Variants in GRM7 observed in about 807,000 individuals in gnomAD.
GRM7 encodes metabotropic glutamate receptor 7.
A neutral mutation model predicts 84.5 loss-of-function variants in GRM7; 35 were observed. That is an observed-to-expected ratio of 0.41 (90% confidence interval 0.32 to 0.55). The LOEUF (loss-of-function observed/expected upper bound fraction) is 0.55. GRM7 is among the 20% of genes least tolerant of loss of function. GRM7 has a pLI of 0.19. For missense variants in GRM7, 1,003 were observed against 1,194.6 expected (o/e 0.84, Z 2.36); for synonymous variants, 487 against 455.1 (o/e 1.07, Z -0.89).
chr3:7,587,248 G>A (rs1470797942), intron 8 of GRM7, among the ~76,000 whole-genome samples: 2 of 151,978 alleles, frequency 1.3e-5, no homozygotes, highest in African/African-American at 2.4e-5. Flanking sequence ...TATGCCAACT[G>A]GCCTATTTGC....
At chr3:7,289,247 G>T (rs1224242001) in intron 2 of GRM7, among the ~76,000 whole-genome samples, 1 of 152,152 alleles carries the variant, frequency 6.6e-6, no homozygotes, top group Non-Finnish European at 1.5e-5. Context: ...AGCTTGCTTT[G>T]CAAAGACTTC....
At chr3:7,436,295 G>A (rs1697054683) in intron 5 of GRM7, among the ~76,000 whole-genome samples, 1 of 151,332 alleles carries the variant, frequency 6.6e-6, no homozygotes, top group African/African-American at 2.4e-5. Flanking sequence ...TTTCCAGGTT[G>A]TTAAGAACAG....
At chr3:7,451,779 A>G (rs192746313) in intron 5 of GRM7, 2 of 152,326 alleles carry the variant, frequency 1.3e-5, no homozygotes, top group East Asian at 3.9e-4. Context: ...CACTTAGTCA[A>G]TATCAGTTGT....
chr3:7,382,830 T>A (rs1267903792), intron 4 of GRM7, among the ~76,000 whole-genome samples: 5 of 152,290 alleles, frequency 3.3e-5, no homozygotes, highest in Middle Eastern at 3.4e-3. Context: ...AATTAATGAG[T>A]CTGAATGCCA....
At chr3:7,361,138 G>C (rs1008703684) in intron 4 of GRM7, among the ~76,000 whole-genome samples, 1 of 151,870 alleles carries the variant, frequency 6.6e-6, no homozygotes, top group Non-Finnish European at 1.5e-5. Context: ...TTTCTTATTC[G>C]TTGATTTATT....
intron 6 of GRM7, 123 bp downstream of exon 6, chr3:7,452,930 T>C (rs974891778): frequency 3.1e-6 from 2 of 643,786 alleles, no homozygotes; most frequent in African/African-American, 3.7e-5. Context: ...TTATAAAACT[T>C]TAAATGATTG....
intron 8 of GRM7, among the ~76,000 whole-genome samples, chr3:7,651,434 C>A (rs544271182): frequency 6.6e-6 from 1 of 152,194 alleles, no homozygotes; most frequent in African/African-American, 2.4e-5. Context: ...TATTTATAGG[C>A]TTCTTAATGC....
chr3:7,417,506 G>C (rs1006400244), intron 5 of GRM7, among the ~76,000 whole-genome samples: 3 of 152,132 alleles, frequency 2.0e-5, no homozygotes, highest in Non-Finnish European at 4.4e-5. Context: ...CAGTGGGAAA[G>C]GTAACCTGGT....
intron 4 of GRM7, among the ~76,000 whole-genome samples, chr3:7,334,738 C>T (rs1289085947): frequency 1.3e-5 from 2 of 152,006 alleles, no homozygotes; most frequent in South Asian, 2.1e-4. Context: ...ATATTCCATG[C>T]AAATGGAAAC....
chr3:7,343,153 T>C (rs1490946717), intron 4 of GRM7, among the ~76,000 whole-genome samples: 11 of 152,184 alleles, frequency 7.2e-5, no homozygotes, highest in East Asian at 1.9e-4. Flanking sequence ...ATGTCTGACA[T>C]GTGGCCCCCT....
At chr3:7,220,653 T>A (rs918428406) in intron 2 of GRM7, among the ~76,000 whole-genome samples, 3 of 152,216 alleles carry the variant, frequency 2.0e-5, no homozygotes, top group African/African-American at 7.2e-5. Flanking sequence ...TAATGATACG[T>A]CAACATTGGT....
chr3:7,591,472 G>T (rs1010969620), intron 8 of GRM7: 2 of 446,148 alleles, frequency 4.5e-6, no homozygotes, highest in African/African-American at 2.0e-5. Context: ...GTTTTATGCT[G>T]TATATCAAAA....
chr3:7,029,476 T>C (rs1038742662), intron 1 of GRM7, among the ~76,000 whole-genome samples: 5 of 152,112 alleles, frequency 3.3e-5, no homozygotes, highest in African/African-American at 7.2e-5. Flanking sequence ...CAAATGTCAA[T>C]TGATGGATAG....
chr3:7,239,694 G>A (rs1277321205), intron 2 of GRM7, among the ~76,000 whole-genome samples: 1 of 152,070 alleles, frequency 6.6e-6, no homozygotes, highest in African/African-American at 2.4e-5. Flanking sequence ...TTTTGATCTG[G>A]GAAAATTTTC....
chr3:7,230,794 G>C (rs1575060409), intron 2 of GRM7, among the ~76,000 whole-genome samples: 2 of 152,154 alleles, frequency 1.3e-5, no homozygotes, highest in East Asian at 3.9e-4. Context: ...TGTGCCTCAG[G>C]GAAGAAATAA....
intron 9 of GRM7, among the ~76,000 whole-genome samples, chr3:7,712,189 G>A (rs1429658007): frequency 6.6e-6 from 1 of 152,204 alleles, no homozygotes; most frequent in Non-Finnish European, 1.5e-5. Context: ...CTTTGAGCAA[G>A]TAAACCTTTC....
intron 1 of GRM7, among the ~76,000 whole-genome samples, chr3:6,893,312 C>G (rs897499546): frequency 6.6e-6 from 1 of 152,120 alleles, no homozygotes; most frequent in African/African-American, 2.4e-5. Context: ...TGTGGTTGAA[C>G]TAAGATGTCT....
intron 1 of GRM7, among the ~76,000 whole-genome samples, chr3:7,055,368 A>T (rs192865786): frequency 1.8e-4 from 28 of 151,898 alleles, no homozygotes; most frequent in Non-Finnish European, 3.2e-4. Flanking sequence ...TTCTTTTTCA[A>T]ATCAATTCTT....
chr3:7,337,363 C>T (rs1368091376), intron 4 of GRM7, among the ~76,000 whole-genome samples: 6 of 152,002 alleles, frequency 3.9e-5, no homozygotes, highest in Non-Finnish European at 7.4e-5. Context: ...GCAAATAGTT[C>T]GTGACCAAGA....
Sources: allele counts gnomAD v4.1 joint callset (sites outside exome capture counted in the v4.1 genomes callset), GRCh38; gene constraint gnomAD v4.1.1; transcripts MANE v1.5; gene names NCBI Gene and HGNC (gene_info 2026-07-23, HGNC 2026-07-21).